BRF2: variants seen among roughly 807,000 people sequenced by gnomAD.
BRF2 encodes transcription factor IIIB 50 kDa subunit.
BRF2 carries 17 observed loss-of-function variants against 26.6 expected under a neutral mutation model. The ratio of observed to expected loss-of-function variants is 0.64; its 90% confidence interval spans 0.44 to 0.96. The LOEUF (loss-of-function observed/expected upper bound fraction) is 0.96, where lower values mean the gene tolerates loss of function less well. Among genes scored for constraint, BRF2 ranks in the 40% least tolerant of loss-of-function variants. BRF2 has a pLI of 0.00. For synonymous variants in BRF2, 219 were observed against 226.6 expected, an observed-to-expected ratio of 0.97 and a Z score of 0.30; for missense variants, 515 against 537.0, an observed-to-expected ratio of 0.96 and a Z score of 0.40.
At position 37,844,646 on chromosome 8, in the gene BRF2, C is replaced by T; in HGVS notation, c.1104G>A (p.Arg368=). 1.2e-6 allele frequency: 2 copies of T among 1,614,138 alleles called. No individual in the cohort carries two copies. The highest frequency in any genetic ancestry group is 2.2e-5 in the South Asian group (2 of 91,084). The change falls in exon 4 of 4, where the codon CGG becomes CGA. Residue 368 remains arginine (R), a synonymous_variant. Transcript: ENST00000220659. ...TGGAGACAGGGGGTACAGGGCAGAT[C>T]CGCTTCGGGGACTTCAACATGCAGG... is the stretch of plus-strand genomic sequence containing the variant. The part of the protein sequence containing the change: ...LPPCMLKSPK[R]ICPVPPVSTV...
chr8:37,844,768 C>G lies in BRF2; in HGVS notation c.982G>C (p.Gly328Arg). ...EVETREKEPP[G>R]WGQGQGEGEV... is the part of the protein sequence containing the mutation. ...CCTTCTCCTTGCCCCTGTCCCCACC[C>G]CGGTGGCTCCTTCTCTCGGGTCTCC... The change falls in exon 4 of 4, where the codon GGG becomes CGG. Residue 328 changes from glycine (G) to arginine (R), a missense_variant. Transcript: ENST00000220659. The G allele has an allele frequency of 6.2e-7, 1 of 1,614,030 alleles. No individual in the cohort carries two copies.
Position 37,845,063 on chromosome 8 carries a change from C to G in BRF2, c.687G>C (p.Ala229=). ...GRHPLPVITA[A]TFLAWQSLQP... ...GCAGCGACTGCCAAGCCAGGAAAGTCGCAGCAGTGATGACGGGCAAGGGAT... is the reference window on the plus strand; with the variant it reads ...GCAGCGACTGCCAAGCCAGGAAAGTGGCAGCAGTGATGACGGGCAAGGGAT... Residue 229 remains alanine (A), a synonymous_variant, in exon 4 of 4, where the codon GCG becomes GCC. Transcript: ENST00000220659. 1.2e-6 allele frequency: 2 copies of G among 1,613,938 alleles called. No individual in the cohort carries two copies. Among genetic ancestry groups the G allele is most frequent in the Non-Finnish European group, 1.7e-6 (2 of 1,180,042 alleles).
Position 37,844,263 on chromosome 8 carries a change from C to G in BRF2, c.*227G>C, listed in dbSNP as rs1805904652. 3.5e-6 allele frequency: 2 copies of G among 566,674 alleles called. No homozygotes were observed. Among genetic ancestry groups the G allele is most frequent in the South Asian group, 4.9e-5 (2 of 40,496 alleles). The allele number at this position is 566,674 out of a possible 1,614,324, so 35.1% of individuals were successfully genotyped here. A position where few individuals can be genotyped will look rare whatever the true frequency, so the allele number is the denominator to read the frequency against. On this transcript the variant is annotated 3_prime_UTR_variant, in exon 4 of 4. Coordinates refer to ENST00000220659, the MANE Select transcript of BRF2 (RefSeq NM_018310.4). ...CCATCTCACAGAACATGGACATAGG[C>G]AACTTGCTCTCCCACACCAAGGGAT...
In BRF2 at chr8:37,844,890, C is replaced by G; in HGVS notation, c.860G>C (p.Arg287Thr). ...AEQLAWLRVL[R>T]LDKRSVVKHI... Reference sequence around the variant, plus strand: ...CTTCACCACAGACCGTTTGTCAAGTCTCAGAACTCGTAACCAGGCCAGCTG... The same window carrying G: ...CTTCACCACAGACCGTTTGTCAAGTGTCAGAACTCGTAACCAGGCCAGCTG... The change falls in exon 4 of 4, where the codon AGA becomes ACA. Residue 287 changes from arginine (R) to threonine (T), a missense_variant. Arg to Thr is a moderately conservative substitution (Grantham distance 71, BLOSUM62 -1). Transcript: ENST00000220659. 4 of 1,614,196 alleles carry G rather than the reference C, an allele frequency of 2.5e-6. No homozygotes were observed. Among genetic ancestry groups the G allele is most frequent in the Non-Finnish European group, 2.5e-6 (3 of 1,180,026 alleles).
At chr8:37,848,766 T>C in intron 1 of BRF2, 111 bp from the exon 2 acceptor site, 2 of 836,712 alleles carry the variant, frequency 2.4e-6, no homozygotes. Flanking sequence ...CATCTGCTGC[T>C]GCACAGTTAA....
chr8:37,844,889 T>G lies in BRF2; in HGVS notation c.861A>C (p.Arg287Ser). The change falls in exon 4 of 4, where the codon AGA becomes AGC. Residue 287 changes from arginine to serine, a missense_variant. Physicochemically the swap from Arg to Ser is moderately radical, Grantham distance 110. Coordinates refer to ENST00000220659, the MANE Select transcript of BRF2 (RefSeq NM_018310.4). ...AEQLAWLRVL[R>S]LDKRSVVKHI... ...GCTTCACCACAGACCGTTTGTCAAGTCTCAGAACTCGTAACCAGGCCAGCT... is the reference window on the plus strand; with the variant it reads ...GCTTCACCACAGACCGTTTGTCAAGGCTCAGAACTCGTAACCAGGCCAGCT... 3.1e-6 allele frequency: 5 copies of G among 1,614,158 alleles called. No homozygotes were observed. Among genetic ancestry groups the G allele is most frequent in the Non-Finnish European group, 4.2e-6 (5 of 1,180,014 alleles).
intron 2 of BRF2, among the ~76,000 whole-genome samples, chr8:37,848,333 A>G (rs1472670325): frequency 6.8e-6 from 1 of 146,532 alleles, no homozygotes; most frequent in South Asian, 2.2e-4. Flanking sequence ...TGCAACCTCC[A>G]CCTCCCAGGT....
Position 37,847,180 on chromosome 8 carries a change from G to T in BRF2, c.215-5C>A. On this transcript the variant is annotated splice_polypyrimidine_tract_variant and splice_region_variant and intron_variant, in intron 2 of 3. Transcript: ENST00000220659. ...GGTCTCTCACTCGCCGGAGACCTAG[G>T]AAAAACCCACGGCAAGAGTTAGAGG... is the stretch of plus-strand genomic sequence containing the variant. 1 of 1,612,914 alleles carries T rather than the reference G, an allele frequency of 6.2e-7. No individual in the cohort carries two copies. The highest frequency in any genetic ancestry group is 8.5e-7 in the Non-Finnish European group (1 of 1,178,988).
In BRF2 at chr8:37,847,152, A is replaced by T; in HGVS notation, c.238T>A (p.Cys80Ser). ...QRGLRRVRDL[C>S]RVLQLPPTFE... ...GTTGGTGGCAACTGCAGAACTCGAC[A>T]AAGGTCTCTCACTCGCCGGAGACCT... The change falls in exon 3 of 4, where the codon TGT (cysteine) becomes AGT (serine). Residue 80 changes from cysteine (C) to serine (S), a missense_variant. Transcript: ENST00000220659. 6.2e-7 allele frequency: 1 copy of T among 1,613,978 alleles called. No individual in the cohort carries two copies. Among genetic ancestry groups the T allele is most frequent in the Non-Finnish European group, 8.5e-7 (1 of 1,179,794 alleles).
intron 1 of BRF2, 125 bp downstream of exon 1, chr8:37,849,505 T>G (rs1806029088): frequency 1.0e-5 from 8 of 796,304 alleles, no homozygotes; most frequent in Non-Finnish European, 1.6e-5. Context: ...CTCGCTCACT[T>G]TAGGTCATTT....
At position 37,844,281 on chromosome 8, in the gene BRF2, C is replaced by G; in HGVS notation, c.*209G>C. ...ACATAGGCAACTTGCTCTCCCACAC[C>G]AAGGGATGGGAATCTCTCCTACCTA... On this transcript the variant is annotated 3_prime_UTR_variant, in exon 4 of 4. Coordinates refer to ENST00000220659, the MANE Select transcript of BRF2 (RefSeq NM_018310.4). The G allele has an allele frequency of 1.7e-6, 1 of 596,568 alleles. No individual in the cohort carries two copies. Among genetic ancestry groups the G allele is most frequent in the African/African-American group, 1.9e-5 (1 of 53,948 alleles). 37.0% of individuals were successfully genotyped at this position (596,568 alleles called of 1,614,324 possible).
At chr8:37,847,464 C>T (rs758515745) in intron 2 of BRF2, 20 of 523,218 alleles carry the variant, frequency 3.8e-5, no homozygotes, top group Non-Finnish European at 7.4e-5. Flanking sequence ...CTCAAACATA[C>T]GTCTGATCAA....
intron 2 of BRF2, 27 bp from the exon 3 acceptor site, chr8:37,847,202 G>A (rs1179864300): frequency 6.2e-7 from 1 of 1,607,964 alleles, no homozygotes; most frequent in East Asian, 2.2e-5. Flanking sequence ...GCAAGAGTTA[G>A]AGGGGTCAAA....
At chr8:37,845,338 C>T in intron 3 of BRF2, 125 bp from the exon 4 acceptor site, 1 of 757,858 alleles carries the variant, frequency 1.3e-6, no homozygotes, top group Non-Finnish European at 2.2e-6. Context: ...GCTCACTGGG[C>T]AGCAAGTTAA....
Position 37,844,590 on chromosome 8 carries a change from C to T in BRF2, c.1160G>A (p.Ser387Asn). 8 of 1,614,092 alleles carry T rather than the reference C, an allele frequency of 5.0e-6. No homozygotes were observed. Among genetic ancestry groups the T allele is most frequent in the Non-Finnish European group, 6.8e-6 (8 of 1,180,012 alleles). ...TVTGDENISDSEIEQYLRTPQ... is the reference protein window; with the variant it reads ...TVTGDENISDNEIEQYLRTPQ... ...GGTACGCAAATACTGTTCTATTTCA[C>T]TATCAGAAATGTTCTCATCTCCAGT... Residue 387 changes from serine (S) to asparagine (N), a missense_variant, in exon 4 of 4, where the codon AGT becomes AAT. Coordinates refer to ENST00000220659, the MANE Select transcript of BRF2 (RefSeq NM_018310.4).
Position 37,848,630 on chromosome 8 carries a change from C to A in BRF2, c.180G>T (p.Gly60=). 2 of 1,614,124 alleles carry A rather than the reference C, an allele frequency of 1.2e-6. No individual in the cohort carries two copies. Among genetic ancestry groups the A allele is most frequent in the Non-Finnish European group, 1.7e-6 (2 of 1,179,972 alleles). Residue 60 remains glycine (G), a synonymous_variant, in exon 2 of 4, where the codon GGG becomes GGT. Coordinates refer to ENST00000220659, the MANE Select transcript of BRF2 (RefSeq NM_018310.4). ...GGCTGCGACTAACTTGTTCGTTTTC[C>A]CCTGTGCTTCGGGAATATGTTACCT... ...LREVTYSRST[G]ENEQVSRSQQ...
In BRF2 at chr8:37,845,275, G is replaced by A. The variant is rs538298732; in HGVS notation, c.537-62C>T. ...ATAGGGGCTGCTCTCCCACAGTGAG[G>A]AAAGACAGCCCACTCAAGATGGGGA... On this transcript the variant is annotated intron_variant, in intron 3 of 3. Transcript: ENST00000220659. The A allele has an allele frequency of 5.9e-6, 8 of 1,352,188 alleles. No homozygotes were observed. In the East Asian group the frequency reaches 1.2e-4, roughly 20 times the overall value. 83.8% of individuals were successfully genotyped at this position (1,352,188 alleles called of 1,614,324 possible). A position where few individuals can be genotyped will look rare whatever the true frequency, so the allele number is the denominator to read the frequency against.
intron 3 of BRF2, 68 bp downstream of exon 3, chr8:37,846,786 A>C: frequency 8.8e-7 from 1 of 1,140,756 alleles, no homozygotes; most frequent in Non-Finnish European, 1.3e-6. Flanking sequence ...AGAGATGGCC[A>C]AAGGTCAAAG....
Position 37,846,858 on chromosome 8 carries a change from T to A in BRF2, c.532A>T (p.Ser178Cys). ...CLAELVKTYC[S>C]SFKLFQASPS... ...TGTCTCCCACCAGGGACGTACCTGC[T>A]GCAATAGGTCTTCACCAGTTCTGCC... is the stretch of plus-strand genomic sequence containing the variant. The change falls in exon 3 of 4, where the codon AGC (serine) becomes TGC (cysteine). Residue 178 changes from serine to cysteine, a missense_variant. Ser to Cys is a moderately radical substitution (Grantham distance 112). Coordinates refer to ENST00000220659, the MANE Select transcript of BRF2 (RefSeq NM_018310.4). 6.2e-7 allele frequency: 1 copy of A among 1,610,622 alleles called. No homozygotes were observed. Among genetic ancestry groups the A allele is most frequent in the South Asian group, 1.1e-5 (1 of 91,024 alleles).
Sources: allele counts gnomAD v4.1 joint callset (sites outside exome capture counted in the v4.1 genomes callset), GRCh38; gene constraint gnomAD v4.1.1; transcripts MANE v1.5; gene names NCBI Gene and HGNC (gene_info 2026-07-23, HGNC 2026-07-21).